The following CARM1 variants were observed in gnomAD, a reference collection of about 807,000 sequenced individuals.
CARM1 encodes the protein histone-arginine methyltransferase CARM1.
In CARM1, 14 loss-of-function variants were observed where a neutral mutation model predicts 72.7. The observed-to-expected ratio is 0.19, with a 90% CI of 0.13 to 0.30. CARM1 has a LOEUF of 0.30. Among genes scored for constraint, CARM1 ranks in the 10% least tolerant of loss-of-function variants. The probability of loss-of-function intolerance (pLI) is 1.00; values close to 1 mark genes in which losing one functional copy is unlikely to be tolerated. For missense variants in CARM1, 432 were observed against 833.7 expected (o/e 0.52, Z 5.93); for synonymous variants, 333 against 345.5 (o/e 0.96, Z 0.40).
rs2073816405 is a variant in CARM1 at position 10,871,627 on chromosome 19, C to CGGCGGCGGCGTA, written c.-66_-65insTAGGCGGCGGCG. 1 of 173,418 alleles carries CGGCGGCGGCGTA rather than the reference C, an allele frequency of 5.8e-6. No homozygotes were observed. The highest frequency in any genetic ancestry group is 9.2e-6 in the Non-Finnish European group (1 of 108,310). 10.7% of individuals were successfully genotyped at this position (173,418 alleles called of 1,614,324 possible). Reference sequence around the variant, plus strand: ...GCGGCGGCGGCGGCGGCGGCGGCGGCGGCGGCGGCGGCAGCGGCGGCGGCC... The same window carrying CGGCGGCGGCGTA: ...GCGGCGGCGGCGGCGGCGGCGGCGGCGGCGGCGGCGTAGGCGGCGGCGGCAGCGGCGGCGGCC... On this transcript the variant is annotated 5_prime_UTR_variant, in exon 1 of 16. Coordinates refer to ENST00000327064, the MANE Select transcript of CARM1 (RefSeq NM_199141.2). The surrounding 1 kb of genome is among the most constrained non-coding windows in gnomAD (Gnocchi z 5.6).
chr19:10,920,955 G>A lies in CARM1; in HGVS notation c.1537+9G>A. 6.2e-7 allele frequency: 1 copy of A among 1,613,578 alleles called. No homozygotes were observed. The highest frequency in any genetic ancestry group is 1.3e-5 in the African/African-American group (1 of 75,058). On this transcript the variant is annotated intron_variant, in intron 13 of 15. Coordinates refer to ENST00000327064, the MANE Select transcript of CARM1 (RefSeq NM_199141.2). The surrounding 1 kb of genome is among the most constrained non-coding windows in gnomAD (Gnocchi z 5.3). The stretch of plus-strand genomic sequence containing the variant: ...CGGGATGGCCGTGGCAGGTGAGCAG[G>A]GCCCACCCCAATGCCCAGCCAACCC...
At chr19:10,899,384 G>A (rs754449996) in intron 1 of CARM1, among the ~76,000 whole-genome samples, 11 of 152,202 alleles carry the variant, frequency 7.2e-5, no homozygotes, top group Non-Finnish European at 1.5e-4. Flanking sequence ...CTAACAGATC[G>A]ACAGTATCTC....
chr19:10,878,498 G>A (rs1018803981), intron 1 of CARM1, among the ~76,000 whole-genome samples: 4 of 152,164 alleles, frequency 2.6e-5, no homozygotes, highest in Non-Finnish European at 5.9e-5. Context: ...AGTTCTGTGA[G>A]GTCAGAGATA....
At chr19:10,908,192 C>A (rs933481870) in intron 3 of CARM1, 47 bp downstream of exon 3, 1 of 1,266,044 alleles carries the variant, frequency 7.9e-7, no homozygotes, top group South Asian at 1.2e-5. Context: ...CCGGCAGCCC[C>A]CCTGCCACTC....
rs201502836 is a variant in CARM1, at chr19:10,896,115, C to T, written c.221-8836C>T. On this transcript the variant is annotated intron_variant, in intron 1 of 15. Coordinates refer to ENST00000327064, the MANE Select transcript of CARM1 (RefSeq NM_199141.2). This position sits in a 1 kb window ranked among gnomAD's most constrained non-coding sequence, Gnocchi z 5.2. ...CAGGCGGGTTGTGTTAGACACTGTG[C>T]GGCTTGAAGGGTGGACTGGGAGGTG... 1.3e-3 allele frequency among the ~76,000 whole-genome samples: 204 copies of T among 152,064 alleles called. 4 individuals carry two copies. In the South Asian group the frequency reaches 0.04, roughly 29 times the overall value.
At position 10,922,022 on chromosome 19, in the gene CARM1, A is replaced by G. The variant is rs865971414; in HGVS notation, c.*265A>G. 25 of 320,222 alleles carry G rather than the reference A, an allele frequency of 7.8e-5. No individual in the cohort carries two copies. The highest frequency in any genetic ancestry group is 8.9e-4 in the Middle Eastern group (1 of 1,122). The allele number at this position is 320,222 out of a possible 1,614,324, so 19.8% of individuals were successfully genotyped here. A position where few individuals can be genotyped will look rare whatever the true frequency, so the allele number is the denominator to read the frequency against. On this transcript the variant is annotated 3_prime_UTR_variant, in exon 16 of 16. Transcript: ENST00000327064. ...CCTCGTCCCCCCTCCTGCCCGCTCTACCCTGACCTGGGCTTGTCATCTGCT... is the reference window on the plus strand; with the variant it reads ...CCTCGTCCCCCCTCCTGCCCGCTCTGCCCTGACCTGGGCTTGTCATCTGCT...
rs2074093892 is a variant in CARM1, at chr19:10,905,195, C to G, written c.346+119C>G. 5.7e-6 allele frequency: 7 copies of G among 1,230,938 alleles called. No individual in the cohort carries two copies. In the Admixed American group the frequency reaches 1.5e-4, roughly 26 times the overall value. 76.3% of individuals were successfully genotyped at this position (1,230,938 alleles called of 1,614,324 possible). A position where few individuals can be genotyped will look rare whatever the true frequency, so the allele number is the denominator to read the frequency against. ...TGCATCCTTAAGAAGGCTCCACTGC[C>G]CTCAAAACCACATTCCCACATGCAG... On this transcript the variant is annotated intron_variant, in intron 2 of 15. Transcript: ENST00000327064.
At chr19:10,875,107 T>G (rs1205972760) in intron 1 of CARM1, among the ~76,000 whole-genome samples, 1 of 151,976 alleles carries the variant, frequency 6.6e-6, no homozygotes, top group Non-Finnish European at 1.5e-5. Context: ...AATAACAAAT[T>G]ATGACAGATT....
At chr19:10,914,560 T>C (rs923055003) in intron 6 of CARM1, among the ~76,000 whole-genome samples, 4 of 152,184 alleles carry the variant, frequency 2.6e-5, no homozygotes, top group African/African-American at 7.2e-5. Flanking sequence ...ACTGGGTGAC[T>C]GTTTCTTTTT....
chr19:10,917,787 A>G (rs2074210295), intron 8 of CARM1, among the ~76,000 whole-genome samples: 1 of 140,352 alleles, frequency 7.1e-6, no homozygotes, highest in Non-Finnish European at 1.5e-5. Flanking sequence ...GCATGATGTC[A>G]GCTCACTGCA....
At chr19:10,914,805 C>G (rs570822829) in intron 6 of CARM1, among the ~76,000 whole-genome samples, 1 of 152,332 alleles carries the variant, frequency 6.6e-6, no homozygotes, top group South Asian at 2.1e-4. Context: ...ATCTACCCGC[C>G]TCAGCCTCCC....
At chr19:10,897,697 C>G (rs1348920490) in intron 1 of CARM1, among the ~76,000 whole-genome samples, 2 of 152,122 alleles carry the variant, frequency 1.3e-5, no homozygotes, top group African/African-American at 2.4e-5. Flanking sequence ...TAAAGAAATG[C>G]TAGCTCTGGG....
intron 4 of CARM1, among the ~76,000 whole-genome samples, chr19:10,911,741 C>T (rs535766851): frequency 2.4e-4 from 36 of 152,344 alleles, no homozygotes; most frequent in South Asian, 8.3e-4. Flanking sequence ...GGAGCCCAGC[C>T]GGCCCCAGGG....
chr19:10,918,961 A>T (rs2074219167), intron 8 of CARM1: 1 of 152,276 alleles, frequency 6.6e-6, no homozygotes, highest in Non-Finnish European at 1.5e-5. Flanking sequence ...TGTTAGTCGG[A>T]TATAAACATT....
chr19:10,882,067 G>A (rs1206585001), intron 1 of CARM1, among the ~76,000 whole-genome samples: 1 of 152,206 alleles, frequency 6.6e-6, no homozygotes, highest in Admixed American at 6.5e-5. Context: ...GGCAAGTCCT[G>A]ATCCACTCCT....
intron 1 of CARM1, among the ~76,000 whole-genome samples, chr19:10,883,250 G>A (rs2073915282): frequency 6.6e-6 from 1 of 152,162 alleles, no homozygotes; most frequent in Non-Finnish European, 1.5e-5. Flanking sequence ...TCCTGAGCCT[G>A]CTATGTGGCC....
At chr19:10,904,899 G>A in intron 1 of CARM1, 52 bp from the exon 2 acceptor site, 1 of 1,592,804 alleles carries the variant, frequency 6.3e-7, no homozygotes, top group Non-Finnish European at 8.6e-7. Context: ...AGGCTCAAAA[G>A]AAGGCAGCTG....
rs1166856017 is a variant in CARM1 at position 10,922,741 on chromosome 19, G to C, written c.*984G>C. On this transcript the variant is annotated 3_prime_UTR_variant, in exon 16 of 16. Coordinates refer to ENST00000327064, the MANE Select transcript of CARM1 (RefSeq NM_199141.2). ...CTCCAAAAAAAGAAAAAAAGAAAAA[G>C]AAAGAAAAAATAAATGAGGAAACGT... is the stretch of plus-strand genomic sequence containing the variant. The C allele has an allele frequency of 1.3e-5, 2 of 152,474 alleles. No homozygotes were observed. Among genetic ancestry groups the C allele is most frequent in the Non-Finnish European group, 2.9e-5 (2 of 68,236 alleles). 9.4% of individuals were successfully genotyped at this position (152,474 alleles called of 1,614,324 possible).
chr19:10,897,901 C>T (rs976323143), intron 1 of CARM1, among the ~76,000 whole-genome samples: 76 of 151,774 alleles, frequency 5.0e-4, no homozygotes, highest in African/African-American at 1.8e-3. Flanking sequence ...GTCAGGAGAT[C>T]GAGACCATCC....
Sources: allele counts gnomAD v4.1 joint callset (sites outside exome capture counted in the v4.1 genomes callset), GRCh38; gene constraint gnomAD v4.1.1; non-coding constraint Gnocchi (gnomAD v3.1); transcripts MANE v1.5; gene names NCBI Gene and HGNC (gene_info 2026-07-23, HGNC 2026-07-21).